Variants in RIN2 observed in about 807,000 individuals in gnomAD.
RIN2 encodes RAB5 interacting protein 2.
Under a neutral mutation model 78.0 loss-of-function variants are expected in RIN2, and 36 were observed. The ratio of observed to expected loss-of-function variants is 0.46; its 90% CI spans 0.35 to 0.61. The LOEUF (loss-of-function observed/expected upper bound fraction) is 0.61. Among genes scored for constraint, RIN2 ranks in the 20% least tolerant of loss-of-function variants. RIN2 has a pLI of 0.00. For missense variants in RIN2, 1,087 were observed against 1,159.7 expected (o/e 0.94, Z 0.91); for synonymous variants, 466 against 466.8 (o/e 1.00, Z 0.02).
At chr20:19,956,569 A>C in intron 4 of RIN2, 46 bp from the exon 5 acceptor site, 2 of 1,577,920 alleles carry the variant, frequency 1.3e-6, no homozygotes, top group Non-Finnish European at 1.7e-6. Flanking sequence ...CTTGTTAGGG[A>C]AATGGTACTG....
At chr20:19,823,880 C>A in intron 2 of RIN2, 2 of 1,603,678 alleles carry the variant, frequency 1.2e-6, no homozygotes, top group Middle Eastern at 2.3e-4. Flanking sequence ...GTGGCACCGA[C>A]TTCACCTCCG....
intron 9 of RIN2, among the ~76,000 whole-genome samples, chr20:19,985,215 A>G (rs1046319095): frequency 6.6e-6 from 1 of 152,216 alleles, no homozygotes; most frequent in Admixed American, 6.5e-5. Context: ...GAATCCATGC[A>G]GTAGGTGGTC....
chr20:19,960,607 G>C (rs1474729298), intron 5 of RIN2, 93 bp from the exon 6 acceptor site: 1 of 929,164 alleles, frequency 1.1e-6, no homozygotes, highest in African/African-American at 1.6e-5. Flanking sequence ...GGATATGAAG[G>C]GATTCTATTC....
intron 7 of RIN2, among the ~76,000 whole-genome samples, chr20:19,970,516 C>T (rs1453352794): frequency 6.6e-6 from 1 of 152,132 alleles, no homozygotes; most frequent in Admixed American, 6.6e-5. Context: ...GTTTTATATG[C>T]ATGCTAGATC....
At chr20:19,815,255 G>A (rs1312865120) in intron 2 of RIN2, among the ~76,000 whole-genome samples, 1 of 152,204 alleles carries the variant, frequency 6.6e-6, no homozygotes, top group African/African-American at 2.4e-5. Context: ...ATTTATGCTA[G>A]TTAAGAGAAG....
At chr20:19,838,908 C>T (rs1403507855) in intron 2 of RIN2, among the ~76,000 whole-genome samples, 1 of 152,152 alleles carries the variant, frequency 6.6e-6, no homozygotes. Flanking sequence ...AGCCCCCAAA[C>T]CTCCACCCAG....
intron 1 of RIN2, among the ~76,000 whole-genome samples, chr20:19,776,089 TCTAA>T (rs1011683894): frequency 6.9e-6 from 1 of 144,754 alleles, no homozygotes; most frequent in African/African-American, 2.8e-5. Context: ...AAAATAAAAC[TCTAA>T]GTCCCCCAAC....
At chr20:19,879,227 C>A (rs2037946810) in intron 2 of RIN2, among the ~76,000 whole-genome samples, 1 of 152,216 alleles carries the variant, frequency 6.6e-6, no homozygotes, top group African/African-American at 2.4e-5. Context: ...CCAAAACCAC[C>A]TTTCTGGTGA....
chr20:19,972,021 C>T (rs1426274299), intron 8 of RIN2, among the ~76,000 whole-genome samples: 1 of 152,078 alleles, frequency 6.6e-6, no homozygotes, highest in African/African-American at 2.4e-5. Flanking sequence ...GGATTACAGG[C>T]GTGCGCCACT....
chr20:19,871,440 A>G (rs1034199344), intron 2 of RIN2, among the ~76,000 whole-genome samples: 9 of 152,168 alleles, frequency 5.9e-5, no homozygotes, highest in Non-Finnish European at 1.2e-4. Flanking sequence ...GACAGTATAT[A>G]TCGTGCACCT....
intron 4 of RIN2, among the ~76,000 whole-genome samples, chr20:19,940,740 A>G (rs765480138): frequency 2.0e-5 from 3 of 152,098 alleles, no homozygotes; most frequent in Non-Finnish European, 4.4e-5. Flanking sequence ...TCCACAGTCC[A>G]TTTTCATTTG....
At chr20:19,922,457 T>G (rs916563858) in intron 3 of RIN2, among the ~76,000 whole-genome samples, 18 of 152,254 alleles carry the variant, frequency 1.2e-4, no homozygotes, top group African/African-American at 4.1e-4. Context: ...GCCTGATGTT[T>G]CTAGGGATTT....
At chr20:19,993,289 G>A (rs1238145014) in intron 11 of RIN2, among the ~76,000 whole-genome samples, 1 of 149,630 alleles carries the variant, frequency 6.7e-6, no homozygotes, top group Non-Finnish European at 1.5e-5. Flanking sequence ...TTTTTTTCCC[G>A]TGAGTTTCAG....
chr20:19,789,150 G>A (rs2034805504), intron 1 of RIN2, among the ~76,000 whole-genome samples: 2 of 152,178 alleles, frequency 1.3e-5, no homozygotes, highest in East Asian at 1.9e-4. Context: ...AGGCTACACT[G>A]CAATTAAGCG....
intron 3 of RIN2, among the ~76,000 whole-genome samples, chr20:19,932,469 A>T (rs1348826731): frequency 2.6e-5 from 4 of 152,126 alleles, no homozygotes; most frequent in African/African-American, 9.7e-5. Flanking sequence ...CAGACTTTTT[A>T]AAAAAACTTT....
intron 1 of RIN2, among the ~76,000 whole-genome samples, chr20:19,769,469 C>T (rs1047574311): frequency 6.6e-6 from 1 of 152,240 alleles, no homozygotes; most frequent in African/African-American, 2.4e-5. Flanking sequence ...CACCTTCCCA[C>T]CTCCATCCGT....
At chr20:19,943,154 A>G (rs2040948182) in intron 4 of RIN2, among the ~76,000 whole-genome samples, 1 of 152,234 alleles carries the variant, frequency 6.6e-6, no homozygotes, top group South Asian at 2.1e-4. Context: ...TCCAAGGGCA[A>G]CCAGGACAAC....
intron 2 of RIN2, among the ~76,000 whole-genome samples, chr20:19,838,623 G>T (rs1326375007): frequency 1.3e-5 from 2 of 152,132 alleles, no homozygotes; most frequent in African/African-American, 4.8e-5. Flanking sequence ...TTCATGCTGG[G>T]GGCTGGAGCT....
chr20:19,780,060 G>A (rs557102634), intron 1 of RIN2, among the ~76,000 whole-genome samples: 27 of 152,196 alleles, frequency 1.8e-4, no homozygotes, highest in African/African-American at 2.9e-4. Context: ...GATTTGAACC[G>A]TTCAGAAAAA....
Sources: allele counts gnomAD v4.1 joint callset (sites outside exome capture counted in the v4.1 genomes callset), GRCh38; gene constraint gnomAD v4.1.1; transcripts MANE v1.5; gene names NCBI Gene and HGNC (gene_info 2026-07-23, HGNC 2026-07-21).